Variants in PPARGC1B observed in about 807,000 individuals in gnomAD.
PPARGC1B encodes PPARG coactivator 1 beta.
In PPARGC1B, 34 loss-of-function variants were observed where a neutral mutation model predicts 101.6. The observed-to-expected ratio is 0.33, with a 90% CI of 0.25 to 0.45. The LOEUF is 0.45. Ranked by LOEUF, PPARGC1B falls within the 20% of genes least tolerant of loss-of-function variation. PPARGC1B has a pLI of 1.00. For missense variants in PPARGC1B, 1,234 were observed against 1,317.6 expected, an observed-to-expected ratio of 0.94 and a Z score of 0.98; for synonymous variants, 548 against 539.3, an observed-to-expected ratio of 1.02 and a Z score of -0.22.
intron 1 of PPARGC1B, among the ~76,000 whole-genome samples, chr5:149,744,414 A>G (rs1755016736): frequency 6.6e-6 from 1 of 152,188 alleles, no homozygotes; most frequent in Non-Finnish European, 1.5e-5. Context: ...GGGGCCAATT[A>G]GTGAGGGGGC....
chr5:149,783,448 C>T (rs1223775824), intron 1 of PPARGC1B, among the ~76,000 whole-genome samples: 1 of 152,176 alleles, frequency 6.6e-6, no homozygotes, highest in Non-Finnish European at 1.5e-5. Context: ...GGAGAAAACA[C>T]CAGCCTCACA....
intron 4 of PPARGC1B, 37 bp downstream of exon 4, chr5:149,830,920 T>C (rs1758759839): frequency 7.0e-7 from 1 of 1,419,076 alleles, no homozygotes; most frequent in African/African-American, 1.4e-5. Flanking sequence ...ACCCCAGGTG[T>C]CTGTTGGGGC....
At chr5:149,805,150 C>T (rs1000027676) in intron 1 of PPARGC1B, among the ~76,000 whole-genome samples, 2 of 152,168 alleles carry the variant, frequency 1.3e-5, no homozygotes, top group African/African-American at 4.8e-5. Context: ...AGAACTTTCC[C>T]CTCCCCATTC....
At chr5:149,735,270 G>A (rs1042631591) in intron 1 of PPARGC1B, among the ~76,000 whole-genome samples, 3 of 152,146 alleles carry the variant, frequency 2.0e-5, no homozygotes, top group Non-Finnish European at 4.4e-5. Context: ...AAGGGCAATG[G>A]CCCAGCAGCT....
intron 2 of PPARGC1B, among the ~76,000 whole-genome samples, chr5:149,822,005 T>C (rs1225148153): frequency 6.6e-6 from 1 of 152,178 alleles, no homozygotes; most frequent in Non-Finnish European, 1.5e-5. Context: ...CCCTCACCGC[T>C]ACACTGAACC....
At chr5:149,785,972 A>T (rs1756791360) in intron 1 of PPARGC1B, among the ~76,000 whole-genome samples, 1 of 149,468 alleles carries the variant, frequency 6.7e-6, no homozygotes, top group Non-Finnish European at 1.5e-5. Flanking sequence ...CCCAGGCTAG[A>T]GTACAGTGGT....
Position 149,847,546 on chromosome 5 carries a change from G to A in PPARGC1B, c.3060G>A (p.Gln1020=). The A allele has an allele frequency of 6.2e-7, 1 of 1,613,750 alleles. No individual in the cohort carries two copies. The highest frequency in any genetic ancestry group is 8.5e-7 in the Non-Finnish European group (1 of 1,179,668). Residue 1020 remains glutamine (Q), a synonymous_variant, in exon 12 of 12, where the codon CAG becomes CAA. Coordinates refer to ENST00000309241, the MANE Select transcript of PPARGC1B (RefSeq NM_133263.4). ...DFDSLLKEAQ[Q]SLH Reference sequence around the variant, plus strand: ...ACAGCTTACTGAAAGAGGCCCAGCAGAGCCTGCATTGATAACAGCCTTAAC... The same window carrying A: ...ACAGCTTACTGAAAGAGGCCCAGCAAAGCCTGCATTGATAACAGCCTTAAC...
chr5:149,847,358 C>G, intron 11 of PPARGC1B, 100 bp from the exon 12 acceptor site: 1 of 895,142 alleles, frequency 1.1e-6, no homozygotes, highest in Non-Finnish European at 1.9e-6. Flanking sequence ...TGCAGCCACT[C>G]CACGGTGCCC....
At chr5:149,775,292 G>A (rs1213556854) in intron 1 of PPARGC1B, among the ~76,000 whole-genome samples, 3 of 152,208 alleles carry the variant, frequency 2.0e-5, no homozygotes, top group Non-Finnish European at 4.4e-5. Context: ...TGGAGCCTAG[G>A]TTCTTGTCCC....
In PPARGC1B at chr5:149,748,324, T is replaced by C. The variant is rs199782991; in HGVS notation, c.78+17904T>C. On this transcript the variant is annotated intron_variant, in intron 1 of 11. Coordinates refer to ENST00000309241, the MANE Select transcript of PPARGC1B (RefSeq NM_133263.4). ...AGATATAGATATAGATATAGATATA[T>C]CTATATATATATATCTCAGTGGGTA... is the stretch of plus-strand genomic sequence containing the variant. 4.0e-5 allele frequency among the ~76,000 whole-genome samples: 3 copies of C among 74,394 alleles called. No homozygotes were observed. In the South Asian group the frequency reaches 1.4e-3, roughly 34 times the overall value. The allele number at this position is 74,394 out of a possible 152,430, so 48.8% of individuals were successfully genotyped here. A position where few individuals can be genotyped will look rare whatever the true frequency, so the allele number is the denominator to read the frequency against.
chr5:149,829,688 GA>G (rs763013635), intron 3 of PPARGC1B, among the ~76,000 whole-genome samples: 2,390 of 122,152 alleles, frequency 0.02, 27 homozygotes, highest in Non-Finnish European at 0.028. Flanking sequence ...AGTTTTTATA[GA>G]AAAAAAAAAA....
At chr5:149,789,876 G>T (rs959119703) in intron 1 of PPARGC1B, among the ~76,000 whole-genome samples, 2 of 152,154 alleles carry the variant, frequency 1.3e-5, no homozygotes, top group African/African-American at 2.4e-5. Context: ...GGTGAAATTG[G>T]CCTGCTGTGG....
intron 1 of PPARGC1B, among the ~76,000 whole-genome samples, chr5:149,760,167 T>A (rs1178594489): frequency 6.6e-6 from 1 of 152,104 alleles, no homozygotes. Flanking sequence ...GACACGAATG[T>A]GAACAAGCAG....
rs1758877833 is a variant in PPARGC1B, at chr5:149,833,197, C to T, written c.1124C>T (p.Pro375Leu). Residue 375 changes from proline (P) to leucine (L), a missense_variant, in exon 5 of 12, where the codon CCC becomes CTC. Coordinates refer to ENST00000309241, the MANE Select transcript of PPARGC1B (RefSeq NM_133263.4). This position sits in a 1 kb window ranked among gnomAD's most constrained non-coding sequence, Gnocchi z 4.1. Reference protein sequence around the residue: ...VYASLTPRSRPRPPKDSQASP... With the variant: ...VYASLTPRSRLRPPKDSQASP... ...GCCTCCCTCACACCTCGGTCAAGGC[C>T]CAGGCCCCCCAAAGACAGTCAGGCC... is the stretch of plus-strand genomic sequence containing the variant. 1 of 1,613,430 alleles carries T rather than the reference C, an allele frequency of 6.2e-7. No homozygotes were observed. Among genetic ancestry groups the T allele is most frequent in the Non-Finnish European group, 8.5e-7 (1 of 1,180,040 alleles).
intron 2 of PPARGC1B, among the ~76,000 whole-genome samples, chr5:149,824,225 C>G (rs1758416066): frequency 6.6e-6 from 1 of 152,096 alleles, no homozygotes; most frequent in Non-Finnish European, 1.5e-5. Flanking sequence ...CACAATATCT[C>G]TGGGCCCTTG....
chr5:149,764,313 A>G (rs1006796559), intron 1 of PPARGC1B, among the ~76,000 whole-genome samples: 1 of 152,186 alleles, frequency 6.6e-6, no homozygotes, highest in Non-Finnish European at 1.5e-5. Flanking sequence ...AGCAGGGAAG[A>G]GGACCAGAGG....
chr5:149,841,743 G>T (rs529853344), intron 9 of PPARGC1B, among the ~76,000 whole-genome samples: 1 of 152,272 alleles, frequency 6.6e-6, no homozygotes, highest in East Asian at 1.9e-4. Context: ...CACTGGCATA[G>T]CATGGAACTC....
chr5:149,771,752 G>C (rs1174327490), intron 1 of PPARGC1B, among the ~76,000 whole-genome samples: 2 of 152,180 alleles, frequency 1.3e-5, no homozygotes, highest in Non-Finnish European at 2.9e-5. Context: ...CACTCCACTT[G>C]CTCCGCCTTA....
At chr5:149,737,689 G>A (rs1754773201) in intron 1 of PPARGC1B, among the ~76,000 whole-genome samples, 1 of 152,188 alleles carries the variant, frequency 6.6e-6, no homozygotes, top group Non-Finnish European at 1.5e-5. Context: ...GAGAAGATAT[G>A]ATGATTAAGA....
Sources: allele counts gnomAD v4.1 joint callset (sites outside exome capture counted in the v4.1 genomes callset), GRCh38; gene constraint gnomAD v4.1.1; non-coding constraint Gnocchi (gnomAD v3.1); transcripts MANE v1.5; gene names NCBI Gene and HGNC (gene_info 2026-07-23, HGNC 2026-07-21).